Variants in ANKRD44 observed in about 807,000 individuals in gnomAD.
ANKRD44 encodes serine/threonine-protein phosphatase 6 regulatory ankyrin repeat subunit B.
Under a neutral mutation model 116.0 loss-of-function variants are expected in ANKRD44, and 35 were observed. That is an observed-to-expected ratio of 0.30 (90% CI 0.23 to 0.40). The LOEUF (loss-of-function observed/expected upper bound fraction) is 0.40. Ranked by LOEUF, ANKRD44 falls within the 10% of genes least tolerant of loss-of-function variation. ANKRD44 has a pLI of 1.00. For synonymous variants in ANKRD44, 435 were observed against 461.8 expected (o/e 0.94, Z 0.74); for missense variants, 1,014 against 1,242.6 (o/e 0.82, Z 2.77).
At chr2:197,289,705 T>C (rs2083506917) in intron 1 of ANKRD44, among the ~76,000 whole-genome samples, 1 of 152,106 alleles carries the variant, frequency 6.6e-6, no homozygotes, top group Non-Finnish European at 1.5e-5. Context: ...GGATGTAAAG[T>C]AGGGAAGACA....
intron 17 of ANKRD44, among the ~76,000 whole-genome samples, chr2:197,017,485 T>G (rs544045949): frequency 1.3e-5 from 2 of 152,182 alleles, no homozygotes; most frequent in African/African-American, 2.4e-5. Context: ...TACAGATACA[T>G]TAAATATTTT....
chr2:197,202,628 A>T (rs891952519), intron 1 of ANKRD44, among the ~76,000 whole-genome samples: 7 of 147,148 alleles, frequency 4.8e-5, no homozygotes, highest in Non-Finnish European at 1.0e-4. Flanking sequence ...GCTGGAGTGC[A>T]GTGGCATAAC....
intron 1 of ANKRD44, among the ~76,000 whole-genome samples, chr2:197,293,335 C>T (rs1020868109): frequency 1.3e-5 from 2 of 152,080 alleles, no homozygotes; most frequent in Admixed American, 6.5e-5. Context: ...ACATTTTCCC[C>T]CAGAAGTGAA....
intron 2 of ANKRD44, among the ~76,000 whole-genome samples, chr2:197,158,188 G>A (rs1339473568): frequency 6.6e-6 from 1 of 152,154 alleles, no homozygotes; most frequent in Admixed American, 6.5e-5. Flanking sequence ...CAGGTCTTCG[G>A]AGTACCACCT....
At chr2:196,976,907 G>C (rs775300559) in intron 21 of ANKRD44, among the ~76,000 whole-genome samples, 1 of 151,876 alleles carries the variant, frequency 6.6e-6, no homozygotes, top group East Asian at 1.9e-4. Context: ...AAAGAAGAGA[G>C]GGAGGGAGGG....
chr2:197,119,547 T>C (rs1037899370), intron 8 of ANKRD44, among the ~76,000 whole-genome samples: 2 of 152,234 alleles, frequency 1.3e-5, no homozygotes, highest in Non-Finnish European at 2.9e-5. Context: ...ACACTTGGCA[T>C]GTTCATAAAA....
intron 3 of ANKRD44, among the ~76,000 whole-genome samples, chr2:197,141,041 A>AC (rs200784185): frequency 0.01 from 1,551 of 152,228 alleles, 31 homozygotes; most frequent in African/African-American, 0.034. Flanking sequence ...ACATGGTGAA[A>AC]CCCCGTCTCC....
intron 2 of ANKRD44, among the ~76,000 whole-genome samples, chr2:197,152,673 T>G (rs572398568): frequency 6.6e-6 from 1 of 152,182 alleles, no homozygotes; most frequent in South Asian, 2.1e-4. Flanking sequence ...GAGTTTGACA[T>G]GGGCAGAGAG....
chr2:197,009,076 C>T (rs769133618), intron 18 of ANKRD44, 45 bp from the exon 19 acceptor site: 7 of 1,485,888 alleles, frequency 4.7e-6, no homozygotes, highest in South Asian at 2.3e-5. Context: ...AACAACACTA[C>T]ACATATCTCT....
intron 7 of ANKRD44, 23 bp downstream of exon 7, chr2:197,122,627 T>C (rs1345994558): frequency 3.7e-6 from 6 of 1,609,328 alleles, no homozygotes; most frequent in Non-Finnish European, 4.2e-6. Context: ...TGGCCATGCA[T>C]TGATGCATTC....
intron 1 of ANKRD44, among the ~76,000 whole-genome samples, chr2:197,291,927 G>A (rs2083581693): frequency 6.6e-6 from 1 of 151,642 alleles, no homozygotes; most frequent in African/African-American, 2.4e-5. Context: ...TGCAGTGTTT[G>A]CTCTTCTGTC....
chr2:197,218,380 T>C (rs1049451595), intron 1 of ANKRD44, among the ~76,000 whole-genome samples: 8 of 152,180 alleles, frequency 5.3e-5, no homozygotes, highest in Non-Finnish European at 8.8e-5. Flanking sequence ...CTTCCTGCTA[T>C]TCCCTGCTAC....
At chr2:197,107,300 T>C (rs2078454323) in intron 9 of ANKRD44, among the ~76,000 whole-genome samples, 1 of 152,222 alleles carries the variant, frequency 6.6e-6, no homozygotes, top group South Asian at 2.1e-4. Context: ...TTAAAGCTTC[T>C]GTGAAGAAAA....
chr2:197,175,361 G>A (rs934570846), intron 2 of ANKRD44, among the ~76,000 whole-genome samples: 3 of 152,146 alleles, frequency 2.0e-5, no homozygotes, highest in African/African-American at 7.2e-5. Context: ...CTGCTTGAAA[G>A]AGACAAGGTC....
chr2:197,228,770 T>G (rs2125756091), intron 1 of ANKRD44, among the ~76,000 whole-genome samples: 1 of 152,346 alleles, frequency 6.6e-6, no homozygotes, highest in African/African-American at 2.4e-5. Flanking sequence ...GCGCGGAGGC[T>G]CACGCCTGTA....
At chr2:197,228,720 A>C (rs1209975155) in intron 1 of ANKRD44, among the ~76,000 whole-genome samples, 1 of 152,208 alleles carries the variant, frequency 6.6e-6, no homozygotes, top group Non-Finnish European at 1.5e-5. Context: ...AAAGGAAAGA[A>C]ACAAAGGATC....
chr2:197,108,883 TAAAC>T (rs2078500303), intron 9 of ANKRD44, among the ~76,000 whole-genome samples: 1 of 145,756 alleles, frequency 6.9e-6, no homozygotes, highest in African/African-American at 2.8e-5. Context: ...AAAACACAAA[TAAAC>T]AAAAAAAGTC....
chr2:197,125,161 C>T (rs2078946600), intron 6 of ANKRD44, among the ~76,000 whole-genome samples: 1 of 152,238 alleles, frequency 6.6e-6, no homozygotes, highest in Non-Finnish European at 1.5e-5. Context: ...AGCCATGATT[C>T]ATTCCTCCTC....
chr2:196,986,996 T>A lies in ANKRD44; in HGVS notation c.*2595A>T, dbSNP rs910233396. On this transcript the variant is annotated 3_prime_UTR_variant, in exon 28 of 28. Transcript: ENST00000282272. ...ATATAACACTGGCACCAGATTTGTA[T>A]CATCGTGCTTTACAAAGATATATTG... 2 of 985,254 alleles carry A rather than the reference T, an allele frequency of 2.0e-6. No homozygotes were observed. Among genetic ancestry groups the A allele is most frequent in the African/African-American group, 3.5e-5 (2 of 57,246 alleles). 61.0% of individuals were successfully genotyped at this position (985,254 alleles called of 1,614,324 possible).
Sources: gnomAD v4.1 joint callset for allele counts (sites outside exome capture counted in the v4.1 genomes callset) on GRCh38, gnomAD v4.1.1 for gene constraint, MANE v1.5 for transcripts, NCBI Gene and HGNC (gene_info 2026-07-23, HGNC 2026-07-21) for gene names.